The following HNMT variants were observed in gnomAD, a reference collection of about 807,000 sequenced individuals.
HNMT encodes the protein histamine N-methyltransferase.
A neutral mutation model predicts 32.1 loss-of-function variants in HNMT; 30 were observed. That is an observed-to-expected ratio of 0.93 (90% CI 0.70 to 1.27). The LOEUF is 1.27. Among genes scored for constraint, HNMT ranks in the 50% most tolerant of loss-of-function variants. The pLI is 0.00. For synonymous variants in HNMT, 125 were observed against 119.0 expected (o/e 1.05, Z -0.33); for missense variants, 327 against 346.0 (o/e 0.95, Z 0.43).
intron 2 of HNMT, among the ~76,000 whole-genome samples, chr2:137,976,423 T>C (rs1354664792): frequency 6.6e-6 from 1 of 152,218 alleles, no homozygotes; most frequent in African/African-American, 2.4e-5. Context: ...TTTTCTTGTG[T>C]GTTTGGGCCA....
rs1347310168 is a variant in HNMT at position 138,013,857 on chromosome 2, T to G, written c.606T>G (p.Asp202Glu). The G allele has an allele frequency of 6.2e-7, 1 of 1,613,638 alleles. No individual in the cohort carries two copies. Among genetic ancestry groups the G allele is most frequent in the Non-Finnish European group, 8.5e-7 (1 of 1,179,784 alleles). ...QDDLCQYITS[D>E]DLTQMLDNLG... ...ACCTCTGCCAGTATATCACATCAGA[T>G]GACCTCACTCAGATGCTGGACAACC... Residue 202 changes from aspartate (D) to glutamate (E), a missense_variant, in exon 6 of 6, where the codon GAT becomes GAG. Asp to Glu is a conservative substitution (Grantham distance 45). Coordinates refer to ENST00000280097, the MANE Select transcript of HNMT (RefSeq NM_006895.3).
chr2:137,993,638 G>C (rs1193673026), intron 2 of HNMT, among the ~76,000 whole-genome samples: 1 of 152,148 alleles, frequency 6.6e-6, no homozygotes, highest in African/African-American at 2.4e-5. Context: ...CCTCAATCTA[G>C]CAAGACTGCC....
chr2:137,968,111 T>C (rs921826952), intron 1 of HNMT, among the ~76,000 whole-genome samples: 4 of 152,186 alleles, frequency 2.6e-5, no homozygotes, highest in African/African-American at 9.7e-5. Context: ...TGAGATGATT[T>C]GTTTCCCTAT....
intron 5 of HNMT, among the ~76,000 whole-genome samples, chr2:138,011,627 G>T (rs569964194): frequency 6.6e-6 from 1 of 152,044 alleles, no homozygotes; most frequent in Non-Finnish European, 1.5e-5. Flanking sequence ...GGTATGTATT[G>T]TTTGTGTATT....
intron 2 of HNMT, among the ~76,000 whole-genome samples, chr2:137,975,157 C>T (rs895960928): frequency 1.3e-5 from 2 of 152,138 alleles, no homozygotes; most frequent in African/African-American, 4.8e-5. Context: ...GTTTATTTTA[C>T]CAAGGTTGAG....
In HNMT at chr2:138,016,356, C is replaced by T. The variant is rs1573687976; in HGVS notation, c.*2226C>T. The stretch of plus-strand genomic sequence containing the variant: ...AAAGTTATGTGTTGCCAGTGTAAAC[C>T]TTAACTTATTTAGGACTCTTTCAGA... On this transcript the variant is annotated 3_prime_UTR_variant, in exon 6 of 6. Coordinates refer to ENST00000280097, the MANE Select transcript of HNMT (RefSeq NM_006895.3). 1 of 151,956 alleles carries T rather than the reference C, an allele frequency of 6.6e-6. No homozygotes were observed. The highest frequency in any genetic ancestry group is 1.5e-5 in the Non-Finnish European group (1 of 67,976). 9.4% of individuals were successfully genotyped at this position (151,956 alleles called of 1,614,324 possible).
chr2:137,998,707 T>C (rs758228819), intron 2 of HNMT, among the ~76,000 whole-genome samples: 1 of 152,178 alleles, frequency 6.6e-6, no homozygotes, highest in East Asian at 1.9e-4. Flanking sequence ...TGTCCCAGAC[T>C]GTGCTAGATA....
intron 1 of HNMT, 36 bp downstream of exon 1, chr2:137,964,664 C>T (rs1186715274): frequency 1.9e-6 from 3 of 1,609,478 alleles, no homozygotes; most frequent in Non-Finnish European, 2.6e-6. Flanking sequence ...AGGGACAAGC[C>T]TCAGACTGGC....
intron 3 of HNMT, among the ~76,000 whole-genome samples, chr2:138,001,321 AC>A (rs1373848418): frequency 1.3e-5 from 2 of 152,144 alleles, no homozygotes; most frequent in Non-Finnish European, 2.9e-5. Context: ...ATTTAAACCA[AC>A]CTTAAAGAGC....
At chr2:137,980,037 GT>G (rs1275439077) in intron 2 of HNMT, among the ~76,000 whole-genome samples, 1,410 of 139,684 alleles carry the variant, frequency 0.01, 17 homozygotes, top group African/African-American at 0.03. Flanking sequence ...CCTGTAACAG[GT>G]TTTTTTTTTT....
At chr2:138,002,777 A>T (rs947745586) in intron 4 of HNMT, 1 of 972,342 alleles carries the variant, frequency 1.0e-6, no homozygotes, top group East Asian at 1.1e-4. Context: ...TTGGATGTTT[A>T]TATAGAGATT....
intron 1 of HNMT, among the ~76,000 whole-genome samples, chr2:137,969,647 C>T (rs1489546620): frequency 1.3e-5 from 2 of 151,964 alleles, no homozygotes; most frequent in Non-Finnish European, 1.5e-5. Flanking sequence ...AGTCATAATT[C>T]GGGCTTTATT....
intron 2 of HNMT, among the ~76,000 whole-genome samples, chr2:137,976,140 C>G (rs1220823581): frequency 1.3e-5 from 2 of 152,048 alleles, no homozygotes; most frequent in Admixed American, 1.3e-4. Context: ...GTGGCACACA[C>G]CTGCAATCCC....
intron 2 of HNMT, among the ~76,000 whole-genome samples, chr2:137,989,511 C>T (rs1162594499): frequency 2.0e-5 from 3 of 152,190 alleles, no homozygotes; most frequent in Non-Finnish European, 4.4e-5. Flanking sequence ...AAGGACACAT[C>T]TTGGTTACTT....
In HNMT at chr2:137,964,508, G is replaced by A. The variant is rs769609787; in HGVS notation, c.17G>A (p.Arg6Lys). ...AAACCAAATATGGCATCTTCCATGAGGAGCTTGTTTTCTGACCACGGGAAA... is the reference window on the plus strand; with the variant it reads ...AAACCAAATATGGCATCTTCCATGAAGAGCTTGTTTTCTGACCACGGGAAA... Reference protein sequence around the residue: MASSMRSLFSDHGKYV... With the variant: MASSMKSLFSDHGKYV... The change falls in exon 1 of 6, where the codon AGG becomes AAG. Residue 6 changes from arginine (R) to lysine (K), a missense_variant. Physicochemically the swap from Arg to Lys is conservative, Grantham distance 26. Coordinates refer to ENST00000280097, the MANE Select transcript of HNMT (RefSeq NM_006895.3). The A allele has an allele frequency of 2.5e-6, 4 of 1,613,680 alleles. No individual in the cohort carries two copies. Among genetic ancestry groups the A allele is most frequent in the South Asian group, 2.2e-5 (2 of 91,054 alleles).
intron 5 of HNMT, among the ~76,000 whole-genome samples, chr2:138,007,035 G>A (rs1263402631): frequency 1.3e-5 from 2 of 152,110 alleles, no homozygotes; most frequent in East Asian, 3.9e-4. Flanking sequence ...TTATAGCACA[G>A]GAGACAGCTG....
At chr2:137,974,509 A>G (rs985535839) in intron 2 of HNMT, among the ~76,000 whole-genome samples, 1 of 152,138 alleles carries the variant, frequency 6.6e-6, no homozygotes, top group Admixed American at 6.5e-5. Flanking sequence ...AGAGAATGCT[A>G]TTAATTTACA....
chr2:138,002,337 A>T, intron 4 of HNMT, 143 bp downstream of exon 4: 4 of 1,097,296 alleles, frequency 3.6e-6, no homozygotes, highest in Non-Finnish European at 4.7e-6. Context: ...ATCTGCCCAA[A>T]TAAAAGGTAA....
At chr2:137,992,353 C>G (rs1486392780) in intron 2 of HNMT, among the ~76,000 whole-genome samples, 1 of 152,192 alleles carries the variant, frequency 6.6e-6, no homozygotes, top group Non-Finnish European at 1.5e-5. Flanking sequence ...TCTCTATAGC[C>G]CCAGGCTGTG....
Sources: allele counts gnomAD v4.1 joint callset (sites outside exome capture counted in the v4.1 genomes callset), GRCh38; gene constraint gnomAD v4.1.1; transcripts MANE v1.5; gene names NCBI Gene and HGNC (gene_info 2026-07-23, HGNC 2026-07-21).